Variants in NECTIN2 observed in about 807,000 individuals in gnomAD.
NECTIN2 encodes the protein nectin-2.
NECTIN2 carries 23 observed loss-of-function variants against 56.9 expected under a neutral mutation model. That is an observed-to-expected ratio of 0.40 (90% confidence interval 0.29 to 0.57). The LOEUF is 0.57. Among genes scored for constraint, NECTIN2 ranks in the 20% least tolerant of loss-of-function variants. The probability of loss-of-function intolerance (pLI) is 0.38; values close to 1 mark genes in which losing one functional copy is unlikely to be tolerated. For missense variants in NECTIN2, 587 were observed against 718.3 expected (o/e 0.82, Z 2.09); for synonymous variants, 302 against 313.8 (o/e 0.96, Z 0.40).
At chr19:44,878,038 T>C (rs1599924514) in intron 5 of NECTIN2, among the ~76,000 whole-genome samples, 1 of 149,628 alleles carries the variant, frequency 6.7e-6, no homozygotes, top group African/African-American at 2.5e-5. Context: ...GGCTTCTGCT[T>C]CCCCACCCCC....
chr19:44,864,898 C>T (rs1175421833), intron 1 of NECTIN2, among the ~76,000 whole-genome samples: 3 of 151,966 alleles, frequency 2.0e-5, no homozygotes, highest in Non-Finnish European at 2.9e-5. Flanking sequence ...CAATGGGTGA[C>T]ATATTTTGGT....
In NECTIN2 at chr19:44,862,869, G is replaced by T. The variant is rs565398368; in HGVS notation, c.89-2402G>T. Among the ~76,000 whole-genome samples the T allele has an allele frequency of 7.2e-5, 11 of 152,038 alleles. No homozygotes were observed. The East Asian group carries it at 1.2e-3, about 16-fold the overall frequency. ...CTCTATTAAAAATATTAAAAAATTGGCCGGGCGCGGTGGCTCACGCCTGTA... is the reference window on the plus strand; with the variant it reads ...CTCTATTAAAAATATTAAAAAATTGTCCGGGCGCGGTGGCTCACGCCTGTA... On this transcript the variant is annotated intron_variant, in intron 1 of 8. Coordinates refer to ENST00000252483, the MANE Select transcript of NECTIN2 (RefSeq NM_001042724.2).
In NECTIN2 at chr19:44,846,592, C is replaced by A; in HGVS notation, c.67C>A (p.Leu23Met). Residue 23 changes from leucine to methionine, a missense_variant, in exon 1 of 9, where the codon CTG becomes ATG. By Grantham distance (15) the Leu-to-Met change is conservative. Coordinates refer to ENST00000252483, the MANE Select transcript of NECTIN2 (RefSeq NM_001042724.2). ...GACGCCGCTGCTGTGGCCGCTGCTG[C>A]TGCTGCTGCTCCTGGAAACCGGTGA... ...PPTPLLWPLL[L>M]LLLLETGAQD... 6.6e-7 allele frequency: 1 copy of A among 1,525,816 alleles called. No individual in the cohort carries two copies. The highest frequency in any genetic ancestry group is 2.0e-5 in the Admixed American group (1 of 50,556). 94.5% of individuals were successfully genotyped at this position (1,525,816 alleles called of 1,614,324 possible).
chr19:44,868,861 G>A (rs925481637), intron 2 of NECTIN2, among the ~76,000 whole-genome samples: 9 of 151,452 alleles, frequency 5.9e-5, no homozygotes, highest in Non-Finnish European at 7.4e-5. Flanking sequence ...GCAGTGAGCC[G>A]AGATCGCGCC....
intron 5 of NECTIN2, chr19:44,878,388 G>C: frequency 6.4e-7 from 1 of 1,556,694 alleles, no homozygotes; most frequent in Non-Finnish European, 8.7e-7. Context: ...GGAGCCAGTG[G>C]CGACGGGGGA....
intron 3 of NECTIN2, 92 bp downstream of exon 3, chr19:44,872,241 C>A: frequency 6.9e-7 from 1 of 1,448,842 alleles, no homozygotes; most frequent in Non-Finnish European, 9.3e-7. Context: ...ATGTTGTCTA[C>A]GTGGGTTCCC....
chr19:44,887,876 G>A (rs1969378092), intron 8 of NECTIN2, among the ~76,000 whole-genome samples: 2 of 152,214 alleles, frequency 1.3e-5, no homozygotes, highest in East Asian at 1.9e-4. Context: ...TGCAGAGATC[G>A]AGTGTCAAAA....
At chr19:44,881,733 T>C (rs1969310236) in intron 5 of NECTIN2, among the ~76,000 whole-genome samples, 1 of 152,098 alleles carries the variant, frequency 6.6e-6, no homozygotes, top group Non-Finnish European at 1.5e-5. Context: ...CGCTGGCTGT[T>C]TGCGCTGCCT....
rs57907894 is a variant in NECTIN2, at chr19:44,875,268, C to CT, written c.1042+805dup. 0.21 allele frequency among the ~76,000 whole-genome samples: 30,747 copies of CT among 143,258 alleles called. 3,599 individuals carry two copies. Among genetic ancestry groups the CT allele is most frequent in the East Asian group, 0.53 (2,563 of 4,852 alleles). The allele number at this position is 143,258 out of a possible 152,430, so 94.0% of individuals were successfully genotyped here. A position where few individuals can be genotyped will look rare whatever the true frequency, so the allele number is the denominator to read the frequency against. On this transcript the variant is annotated intron_variant, in intron 5 of 8. Coordinates refer to ENST00000252483, the MANE Select transcript of NECTIN2 (RefSeq NM_001042724.2). This position sits in a 1 kb window ranked among gnomAD's most constrained non-coding sequence, Gnocchi z 4.2. ...CAGATGACACCTGGAAAGGGACATTCTTTTTTTTTTTTTTTGAGATGGAGT... is the reference window on the plus strand; with the variant it reads ...CAGATGACACCTGGAAAGGGACATTCTTTTTTTTTTTTTTTTGAGATGGAGT...
At chr19:44,880,204 G>A (rs191396947) in intron 5 of NECTIN2, among the ~76,000 whole-genome samples, 65 of 142,362 alleles carry the variant, frequency 4.6e-4, no homozygotes, top group Middle Eastern at 3.5e-3. Flanking sequence ...CCGGACAACC[G>A]GAGGGCAGGG....
intron 1 of NECTIN2, among the ~76,000 whole-genome samples, chr19:44,857,806 A>G (rs1459590765): frequency 6.7e-6 from 1 of 150,272 alleles, no homozygotes; most frequent in Non-Finnish European, 1.5e-5. Context: ...TCGGCCTCCC[A>G]TAGTGCTGGG....
At chr19:44,885,098 G>A (rs2122714303) in intron 6 of NECTIN2, among the ~76,000 whole-genome samples, 2 of 151,848 alleles carry the variant, frequency 1.3e-5, no homozygotes, top group South Asian at 4.2e-4. Context: ...CCGGGTTCAA[G>A]CAATTCTCCT....
rs945492850 is a variant in NECTIN2, at chr19:44,862,805, G to A, written c.89-2466G>A. The stretch of plus-strand genomic sequence containing the variant: ...CGACACGGGTGGATCACGAGGTCAG[G>A]CGTTCGAGGCCAGCCTGGCCAACAT... On this transcript the variant is annotated intron_variant, in intron 1 of 8. Coordinates refer to ENST00000252483, the MANE Select transcript of NECTIN2 (RefSeq NM_001042724.2). Among the ~76,000 whole-genome samples the A allele has an allele frequency of 2.0e-5, 3 of 151,314 alleles. No homozygotes were observed. In the East Asian group the frequency reaches 5.9e-4, roughly 30 times the overall value.
At chr19:44,876,508 G>A (rs888983826) in intron 5 of NECTIN2, among the ~76,000 whole-genome samples, 3 of 152,060 alleles carry the variant, frequency 2.0e-5, no homozygotes, top group Admixed American at 1.3e-4. Flanking sequence ...CTGCAGAAAC[G>A]TGCATGCTCC....
chr19:44,871,356 A>G (rs574657792), intron 2 of NECTIN2, among the ~76,000 whole-genome samples: 11 of 152,170 alleles, frequency 7.2e-5, no homozygotes, highest in Non-Finnish European at 1.3e-4. Context: ...GCAAGAACTC[A>G]TCTCTACAAA....
Position 44,872,147 on chromosome 19 carries a change from G to C in NECTIN2, c.773G>C (p.Arg258Pro). Residue 258 changes from arginine (R) to proline (P), a missense_variant and splice_region_variant, in exon 3 of 9, where the codon CGC becomes CCC. Coordinates refer to ENST00000252483, the MANE Select transcript of NECTIN2 (RefSeq NM_001042724.2). The stretch of plus-strand genomic sequence containing the variant: ...CTGATACCTGTGACCCTCTCTGTAC[G>C]CTGTGAGTGTATCGGGGGTGACCCC... ...PALIPVTLSV[R>P]YPPEVSISGY... is the part of the protein sequence containing the mutation. 6.2e-7 allele frequency: 1 copy of C among 1,611,452 alleles called. No homozygotes were observed. Among genetic ancestry groups the C allele is most frequent in the East Asian group, 2.2e-5 (1 of 44,792 alleles).
rs773091984 is a variant in NECTIN2, at chr19:44,873,963, G to A, written c.823G>A (p.Gly275Ser). Residue 275 changes from glycine (G) to serine (S), a missense_variant, in exon 4 of 9, where the codon GGC (glycine) becomes AGC (serine). By Grantham distance (56) the Gly-to-Ser change is moderately conservative (BLOSUM62 0). Transcript: ENST00000252483. Reference protein sequence around the residue: ...ISGYDDNWYLGRTDATLSCDV... With the variant: ...ISGYDDNWYLSRTDATLSCDV... ...CGGCTATGATGACAACTGGTACCTC[G>A]GCCGTACTGATGCCACCCTGAGCTG... 6.2e-6 allele frequency: 10 copies of A among 1,613,926 alleles called. No homozygotes were observed. The highest frequency in any genetic ancestry group is 1.1e-5 in the South Asian group (1 of 91,072).
chr19:44,882,036 C>A, intron 5 of NECTIN2, 175 bp from the exon 6 acceptor site: 2 of 461,528 alleles, frequency 4.3e-6, no homozygotes, highest in Non-Finnish European at 7.2e-6. Context: ...CCATGCGGGG[C>A]ACACATCCTC....
In NECTIN2 at chr19:44,888,161, T is replaced by C. The variant is rs367823329; in HGVS notation, c.1399T>C (p.Leu467=). The C allele has an allele frequency of 1.8e-3, 2,845 of 1,614,092 alleles. 67 individuals carry two copies. In the South Asian group the frequency reaches 0.029, roughly 17 times the overall value. The part of the protein sequence containing the change: ...LPTLEERSGP[L]HPGATSLGSP... ...CACCTTGGAAGAACGGTCAGGACCC[T>C]TGCACCCTGGAGCCACAAGCCTGGG... The change falls in exon 9 of 9, where the codon TTG becomes CTG. Residue 467 remains leucine, a synonymous_variant. Transcript: ENST00000252483.
Sources: gnomAD v4.1 joint callset for allele counts (sites outside exome capture counted in the v4.1 genomes callset) on GRCh38, gnomAD v4.1.1 for gene constraint, Gnocchi (gnomAD v3.1) non-coding constraint, MANE v1.5 for transcripts, NCBI Gene and HGNC (gene_info 2026-07-23, HGNC 2026-07-21) for gene names.